TMEM38B: variants seen among roughly 807,000 people sequenced by gnomAD.
The protein encoded by TMEM38B is trimeric intracellular cation channel type B.
Under a neutral mutation model 28.7 loss-of-function variants are expected in TMEM38B, and 24 were observed. The observed-to-expected ratio is 0.84, with a 90% CI of 0.61 to 1.18. The LOEUF (loss-of-function observed/expected upper bound fraction) is 1.18, where lower values mean the gene tolerates loss of function less well. Among genes scored for constraint, TMEM38B ranks in the 50% most tolerant of loss-of-function variants. TMEM38B has a pLI of 0.00. For synonymous variants in TMEM38B, 131 were observed against 127.7 expected, an observed-to-expected ratio of 1.03 and a Z score of -0.17; for missense variants, 380 against 350.9, an observed-to-expected ratio of 1.08 and a Z score of -0.66.
rs1279758365 is a variant in TMEM38B at position 105,760,606 on chromosome 9, C to G, written c.660+12416C>G. 10 of 768,992 alleles carry G rather than the reference C, an allele frequency of 1.3e-5. No individual in the cohort carries two copies. In the Admixed American group the frequency reaches 2.0e-4, roughly 15 times the overall value. The allele number at this position is 768,992 out of a possible 1,614,324, so 47.6% of individuals were successfully genotyped here. A position where few individuals can be genotyped will look rare whatever the true frequency, so the allele number is the denominator to read the frequency against. On this transcript the variant is annotated intron_variant, in intron 5 of 5. Coordinates refer to ENST00000374692, the MANE Select transcript of TMEM38B (RefSeq NM_018112.3). Reference sequence around the variant, plus strand: ...ACCTCTAAAGGAGAAAAGAAAAAAACTAAAACAGTTTCAGAAGGAATACCC... The same window carrying G: ...ACCTCTAAAGGAGAAAAGAAAAAAAGTAAAACAGTTTCAGAAGGAATACCC...
At chr9:105,765,024 G>C (rs1313034490) in intron 5 of TMEM38B, among the ~76,000 whole-genome samples, 3 of 152,204 alleles carry the variant, frequency 2.0e-5, no homozygotes, top group African/African-American at 7.2e-5. Flanking sequence ...CAACTGGCTA[G>C]CCATATGTAG....
In TMEM38B at chr9:105,774,816, A is replaced by G. The variant is rs1826674979; in HGVS notation, c.*736A>G. 6.6e-6 allele frequency: 1 copy of G among 151,896 alleles called. No individual in the cohort carries two copies. Among genetic ancestry groups the G allele is most frequent in the Non-Finnish European group, 1.5e-5 (1 of 67,928 alleles). The allele number at this position is 151,896 out of a possible 1,614,324, so 9.4% of individuals were successfully genotyped here. ...TGGCCTCAAAAAAATCAAGGGTGTA[A>G]TTTTTAATAAATTGTTAATCCTATG... On this transcript the variant is annotated 3_prime_UTR_variant, in exon 6 of 6. Coordinates refer to ENST00000374692, the MANE Select transcript of TMEM38B (RefSeq NM_018112.3).
intron 5 of TMEM38B, among the ~76,000 whole-genome samples, chr9:105,765,188 G>C (rs1210843777): frequency 6.6e-6 from 1 of 152,134 alleles, no homozygotes; most frequent in Non-Finnish European, 1.5e-5. Context: ...GTAAAATGTG[G>C]ATTATTTTGC....
intron 2 of TMEM38B, among the ~76,000 whole-genome samples, chr9:105,706,393 C>A (rs1360794078): frequency 6.6e-6 from 1 of 152,148 alleles, no homozygotes; most frequent in East Asian, 1.9e-4. Flanking sequence ...ATTAGAGAGA[C>A]CAGTATGCGT....
chr9:105,708,593 C>A (rs1365291879), intron 2 of TMEM38B, among the ~76,000 whole-genome samples: 1 of 152,156 alleles, frequency 6.6e-6, no homozygotes, highest in Non-Finnish European at 1.5e-5. Context: ...TAACGTCTTA[C>A]AACTCTATTC....
intron 5 of TMEM38B, among the ~76,000 whole-genome samples, chr9:105,755,209 T>C (rs1837793919): frequency 6.6e-6 from 1 of 152,070 alleles, no homozygotes; most frequent in African/African-American, 2.4e-5. Context: ...ATACCAGAGG[T>C]ACAAAGAATT....
intron 4 of TMEM38B, among the ~76,000 whole-genome samples, chr9:105,743,784 T>C (rs1178518928): frequency 6.6e-6 from 1 of 152,166 alleles, no homozygotes; most frequent in African/African-American, 2.4e-5. Flanking sequence ...AATCCGGGCT[T>C]TCTTTTCCTG....
chr9:105,727,655 A>T (rs1219773102), intron 4 of TMEM38B, among the ~76,000 whole-genome samples: 1 of 152,160 alleles, frequency 6.6e-6, no homozygotes, highest in African/African-American at 2.4e-5. Context: ...TGGATTAGGG[A>T]TGCTCAACCT....
At chr9:105,695,122 AGC>A (rs947288947) in intron 1 of TMEM38B, among the ~76,000 whole-genome samples, 1 of 145,898 alleles carries the variant, frequency 6.9e-6, no homozygotes, top group Admixed American at 6.6e-5. Context: ...TATCCGCGCC[AGC>A]CCAGGGCTTG....
Position 105,705,664 on chromosome 9 carries a change from T to A in TMEM38B, c.180T>A (p.Gly60=). ...SWFTAMLHCF[G]GGILSCLLLA... ...TTACTGCTATGCTCCACTGTTTTGG[T>A]GGAGGAATTTTATCCTGTCTACTGC... Residue 60 remains glycine, a synonymous_variant, in exon 2 of 6, where the codon GGT becomes GGA. Coordinates refer to ENST00000374692, the MANE Select transcript of TMEM38B (RefSeq NM_018112.3). The A allele has an allele frequency of 6.2e-7, 1 of 1,614,082 alleles. No individual in the cohort carries two copies. Among genetic ancestry groups the A allele is most frequent in the South Asian group, 1.1e-5 (1 of 91,074 alleles).
chr9:105,736,628 G>T (rs938162407), intron 4 of TMEM38B, among the ~76,000 whole-genome samples: 1 of 152,152 alleles, frequency 6.6e-6, no homozygotes. Flanking sequence ...TCAGTTACTG[G>T]AGAATTACTG....
chr9:105,740,554 C>T lies in TMEM38B; in HGVS notation c.543-7519C>T, dbSNP rs922855832. On this transcript the variant is annotated intron_variant, in intron 4 of 5. Transcript: ENST00000374692. ...GTGCTGGAATTACAAGCGTGAGCCACCACGCCCGGCCCCTAGGTATTCTTT... is the reference window on the plus strand; with the variant it reads ...GTGCTGGAATTACAAGCGTGAGCCATCACGCCCGGCCCCTAGGTATTCTTT... 2.0e-5 allele frequency among the ~76,000 whole-genome samples: 3 copies of T among 152,272 alleles called. No homozygotes were observed. In the South Asian group the frequency reaches 6.2e-4, roughly 32 times the overall value.
intron 2 of TMEM38B, among the ~76,000 whole-genome samples, chr9:105,713,633 G>A (rs1425083652): frequency 6.6e-6 from 1 of 152,188 alleles, no homozygotes; most frequent in African/African-American, 2.4e-5. Flanking sequence ...GATGGATGAC[G>A]TGGGAGGCAG....
chr9:105,729,894 A>G (rs909855715), intron 4 of TMEM38B, among the ~76,000 whole-genome samples: 12 of 152,136 alleles, frequency 7.9e-5, no homozygotes, highest in Non-Finnish European at 7.4e-5. Context: ...TTCTTGGTGT[A>G]CAGGAATGCT....
At chr9:105,751,208 AG>A (rs1837635438) in intron 5 of TMEM38B, among the ~76,000 whole-genome samples, 1 of 152,224 alleles carries the variant, frequency 6.6e-6, no homozygotes, top group Non-Finnish European at 1.5e-5. Flanking sequence ...CTGTCTAGGC[AG>A]ACAGCTTAAC....
chr9:105,737,136 G>A (rs1489577771), intron 4 of TMEM38B, among the ~76,000 whole-genome samples: 4 of 152,192 alleles, frequency 2.6e-5, no homozygotes. Flanking sequence ...TGAAACTTCT[G>A]TAGCACCTTG....
At position 105,725,123 on chromosome 9, in the gene TMEM38B, T is replaced by C. The variant is rs1588420353; in HGVS notation, c.542+2502T>C. ...AGATGGCTAACTCCCTTATTTACTT[T>C]GCTCAAAGTATTTTCTCAATGCTTC... is the stretch of plus-strand genomic sequence containing the variant. On this transcript the variant is annotated intron_variant, in intron 4 of 5. Transcript: ENST00000374692. Among the ~76,000 whole-genome samples, 4 of 152,306 alleles carry C rather than the reference T, an allele frequency of 2.6e-5. 1 individual carries two copies. The highest frequency in any genetic ancestry group is 9.6e-5 in the African/African-American group (4 of 41,558).
At position 105,776,236 on chromosome 9, in the gene TMEM38B, G is replaced by GC. The variant is rs1826716537; in HGVS notation, c.*2157dup. On this transcript the variant is annotated 3_prime_UTR_variant, in exon 6 of 6. Coordinates refer to ENST00000374692, the MANE Select transcript of TMEM38B (RefSeq NM_018112.3). ...AAAAAGCTGGCAAGAACATGAGCCAGCTTCCCTCAGTGCTGTCACTCTCAA... is the reference window on the plus strand; with the variant it reads ...AAAAAGCTGGCAAGAACATGAGCCAGCCTTCCCTCAGTGCTGTCACTCTCAA... 1 of 152,082 alleles carries GC rather than the reference G, an allele frequency of 6.6e-6. No individual in the cohort carries two copies. The highest frequency in any genetic ancestry group is 2.4e-5 in the African/African-American group (1 of 41,416). 9.4% of individuals were successfully genotyped at this position (152,082 alleles called of 1,614,324 possible).
At chr9:105,741,485 A>G (rs1232550306) in intron 4 of TMEM38B, among the ~76,000 whole-genome samples, 1 of 152,214 alleles carries the variant, frequency 6.6e-6, no homozygotes, top group Non-Finnish European at 1.5e-5. Context: ...AGCAAAATGT[A>G]CATGTAGGAA....
Sources: gnomAD v4.1 joint callset for allele counts (sites outside exome capture counted in the v4.1 genomes callset) on GRCh38, gnomAD v4.1.1 for gene constraint, MANE v1.5 for transcripts, NCBI Gene and HGNC (gene_info 2026-07-23, HGNC 2026-07-21) for gene names.